The following NUP210L variants were observed in gnomAD, a reference collection of about 807,000 sequenced individuals.
NUP210L encodes nuclear pore membrane glycoprotein 210-like.
A neutral mutation model predicts 208.5 loss-of-function variants in NUP210L; 74 were observed. That is an observed-to-expected ratio of 0.35 (90% CI 0.29 to 0.43). The LOEUF is 0.43. Ranked by LOEUF, NUP210L falls within the 20% of genes least tolerant of loss-of-function variation. The pLI, the probability that NUP210L is intolerant of heterozygous loss-of-function variation, is 1.00. For synonymous variants in NUP210L, 780 were observed against 816.9 expected, an observed-to-expected ratio of 0.95 and a Z score of 0.77; for missense variants, 1,843 against 2,289.4, an observed-to-expected ratio of 0.81 and a Z score of 3.98.
At chr1:154,026,231 C>A (rs1438210470) in intron 29 of NUP210L, among the ~76,000 whole-genome samples, 1 of 151,908 alleles carries the variant, frequency 6.6e-6, no homozygotes, top group Non-Finnish European at 1.5e-5. Flanking sequence ...AGCAAAACTC[C>A]GTTTCAAAAA....
At chr1:154,000,719 G>T in intron 37 of NUP210L, 137 bp downstream of exon 37, 1 of 715,332 alleles carries the variant, frequency 1.4e-6, no homozygotes, top group Non-Finnish European at 2.4e-6. Context: ...TATTTCAGGA[G>T]TTTTTCATTT....
chr1:154,048,481 G>A (rs1653308966), intron 25 of NUP210L, among the ~76,000 whole-genome samples: 1 of 152,184 alleles, frequency 6.6e-6, no homozygotes, highest in Admixed American at 6.5e-5. Context: ...TATGCCCGAA[G>A]TGTAAAAAAG....
chr1:154,070,571 A>G, intron 16 of NUP210L, 106 bp from the exon 17 acceptor site: 6 of 795,892 alleles, frequency 7.5e-6, no homozygotes, highest in Non-Finnish European at 1.1e-5. Flanking sequence ...CAATATTTTT[A>G]CCTTAAAAAT....
chr1:154,010,980 C>T (rs1650875803), intron 34 of NUP210L, among the ~76,000 whole-genome samples: 1 of 152,038 alleles, frequency 6.6e-6, no homozygotes, highest in Admixed American at 6.6e-5. Flanking sequence ...AATACAATTA[C>T]AATATAATTC....
chr1:154,028,988 G>A (rs948455909), intron 28 of NUP210L, among the ~76,000 whole-genome samples: 5 of 151,570 alleles, frequency 3.3e-5, no homozygotes, highest in Admixed American at 1.3e-4. Context: ...CCAGCTACTC[G>A]GGAGGCTGAG....
chr1:154,007,151 C>T lies in NUP210L; in HGVS notation c.4930+2821G>A, dbSNP rs557305802. Among the ~76,000 whole-genome samples the T allele has an allele frequency of 4.4e-4, 63 of 142,122 alleles. No homozygotes were observed. In the South Asian group the frequency reaches 9.7e-3, roughly 22 times the overall value. 93.2% of individuals were successfully genotyped at this position (142,122 alleles called of 152,430 possible). A position where few individuals can be genotyped will look rare whatever the true frequency, so the allele number is the denominator to read the frequency against. On this transcript the variant is annotated intron_variant, in intron 35 of 39. Coordinates refer to ENST00000368559, the Ensembl canonical transcript of NUP210L. ...CTAATTTTTGTATTTTTAGTAAAGA[C>T]GGAGTTTCACCATGTTAGCCAGGCT...
intron 31 of NUP210L, 123 bp downstream of exon 31, chr1:154,022,999 C>A: frequency 9.0e-7 from 1 of 1,116,812 alleles, no homozygotes; most frequent in South Asian, 1.5e-5. Flanking sequence ...TTTTTTTTAA[C>A]AAAAGAAAGA....
chr1:154,029,689 T>TCAAAA (rs1049631807), intron 28 of NUP210L, among the ~76,000 whole-genome samples: 3 of 151,908 alleles, frequency 2.0e-5, no homozygotes, highest in African/African-American at 4.8e-5. Context: ...AAACTCCGTC[T>TCAAAA]CAAAACAAAA....
At chr1:154,079,015 T>C (rs1655178854) in intron 16 of NUP210L, 1 of 152,164 alleles carries the variant, frequency 6.6e-6, no homozygotes. Context: ...CTGAGCATGG[T>C]GGCTCACGTC....
At position 154,118,818 on chromosome 1, in the gene NUP210L, C is replaced by G. The variant is rs371223934; in HGVS notation, c.1327-10G>C. 398 of 1,522,874 alleles carry G rather than the reference C, an allele frequency of 2.6e-4. No individual in the cohort carries two copies. The highest frequency in any genetic ancestry group is 2.1e-3 in the South Asian group (178 of 84,098). 94.3% of individuals were successfully genotyped at this position (1,522,874 alleles called of 1,614,324 possible). On this transcript the variant is annotated splice_polypyrimidine_tract_variant and intron_variant, in intron 10 of 39. Transcript: ENST00000368559. ...GCTGAATATCTTTATTCTATAAGAG[C>G]AGGAAAAAAGGAGCAAAATATATTT... is the stretch of plus-strand genomic sequence containing the variant.
At chr1:154,077,938 T>G (rs544459602) in intron 16 of NUP210L, among the ~76,000 whole-genome samples, 2 of 151,728 alleles carry the variant, frequency 1.3e-5, no homozygotes, top group Admixed American at 1.3e-4. Flanking sequence ...TGAGCCAAGA[T>G]CACGCCACTG....
chr1:154,134,306 C>A (rs1015103668), intron 7 of NUP210L, among the ~76,000 whole-genome samples: 2 of 150,614 alleles, frequency 1.3e-5, no homozygotes, highest in African/African-American at 4.9e-5. Flanking sequence ...TTAAAATATT[C>A]AAAAAAAATA....
rs374627636 is a variant in NUP210L at position 154,104,197 on chromosome 1, T to C, written c.1634A>G (p.Lys545Arg). Residue 545 changes from lysine to arginine, a missense_variant, in exon 13 of 40, where the codon AAA becomes AGA. By Grantham distance (26) the Lys-to-Arg change is conservative (BLOSUM62 2). Transcript: ENST00000368559. ...TGGTAACAGTTCCATTTTGTTCAGTTTCAGGACATGTATCTGGAGGGGAAA... is the reference window on the plus strand; with the variant it reads ...TGGTAACAGTTCCATTTTGTTCAGTCTCAGGACATGTATCTGGAGGGGAAA... 3.1e-6 allele frequency: 5 copies of C among 1,613,736 alleles called. No individual in the cohort carries two copies. The African/African-American group carries it at 6.7e-5, about 22-fold the overall frequency.
Position 154,125,752 on chromosome 1 carries a change from GTTTTTTTTTTTTTT to G in NUP210L, c.1326+557_1326+570del, listed in dbSNP as rs1162421953. Among the ~76,000 whole-genome samples, 2 of 3,064 alleles carry G rather than the reference GTTTTTTTTTTTTTT, an allele frequency of 6.5e-4. 1 individual carries two copies. The allele number at this position is 3,064 out of a possible 152,430, so 2.0% of individuals were successfully genotyped here. A position where few individuals can be genotyped will look rare whatever the true frequency, so the allele number is the denominator to read the frequency against. On this transcript the variant is annotated intron_variant, in intron 10 of 39. Coordinates refer to ENST00000368559, the Ensembl canonical transcript of NUP210L. ...AAGGAAGGAAGGGAGGGAGGGAAATGTTTTTTTTTTTTTTTTTTTTTTTTTTTTTTTTTGAGACG... is the reference window on the plus strand; with the variant it reads ...AAGGAAGGAAGGGAGGGAGGGAAATGTTTTTTTTTTTTTTTTTTTGAGACG...
intron 14 of NUP210L, among the ~76,000 whole-genome samples, chr1:154,098,803 A>G (rs1656308962): frequency 6.6e-6 from 1 of 152,124 alleles, no homozygotes; most frequent in African/African-American, 2.4e-5. Context: ...GCCTGAAGGT[A>G]GGGCCTCACC....
intron 27 of NUP210L, among the ~76,000 whole-genome samples, chr1:154,039,156 T>C (rs1652720273): frequency 6.6e-6 from 1 of 152,134 alleles, no homozygotes. Context: ...TTCTTTCAGA[T>C]TGTAGTATTC....
In NUP210L at chr1:154,019,946, CAA is replaced by C. The variant is rs1192954100; in HGVS notation, c.4517-879_4517-878del. On this transcript the variant is annotated intron_variant, in intron 32 of 39. Transcript: ENST00000368559. ...TGTCTCAAAAAAACAAACAAACAAA[CAA>C]AAAAAGAGAGGGTAAAAAATACTCT... 1.6e-4 allele frequency among the ~76,000 whole-genome samples: 25 copies of C among 151,684 alleles called. No homozygotes were observed. In the East Asian group the frequency reaches 4.8e-3, roughly 29 times the overall value.
chr1:154,100,740 G>C (rs1021365406), intron 13 of NUP210L, among the ~76,000 whole-genome samples: 3 of 150,900 alleles, frequency 2.0e-5, no homozygotes, highest in African/African-American at 7.3e-5. Flanking sequence ...CGCTGGTCTC[G>C]AACTCCTGAC....
At chr1:154,149,531 C>T (rs1408050637) in intron 2 of NUP210L, among the ~76,000 whole-genome samples, 1 of 152,040 alleles carries the variant, frequency 6.6e-6, no homozygotes, top group African/African-American at 2.4e-5. Flanking sequence ...AGCAACCCCA[C>T]TACCATAGTC....
Sources: allele counts gnomAD v4.1 joint callset (sites outside exome capture counted in the v4.1 genomes callset), GRCh38; gene constraint gnomAD v4.1.1; transcripts MANE v1.5; gene names NCBI Gene and HGNC (gene_info 2026-07-23, HGNC 2026-07-21).